The following NAA60 variants were observed in gnomAD, a reference collection of about 807,000 sequenced individuals.
NAA60 encodes N-alpha-acetyltransferase 60.
NAA60 carries 8 observed loss-of-function variants against 26.1 expected under a neutral mutation model. That is an observed-to-expected ratio of 0.31 (90% CI 0.18 to 0.55). NAA60 has a LOEUF of 0.55. NAA60 is among the 20% of genes least tolerant of loss of function. The pLI is 0.93. For missense variants in NAA60, 290 were observed against 311.3 expected (o/e 0.93, Z 0.51); for synonymous variants, 131 against 122.5 (o/e 1.07, Z -0.46).
intron 2 of NAA60, among the ~76,000 whole-genome samples, chr16:3,467,023 GGGTGCGGACAGCCTGTCAGA>G (rs2035806825): frequency 6.6e-6 from 1 of 152,238 alleles, no homozygotes; most frequent in South Asian, 2.1e-4. Flanking sequence ...GGTGCCTGCA[GGGTGCGGACAGCCTGTCAGA>G]GGTGCGGAAA....
intron 2 of NAA60, among the ~76,000 whole-genome samples, chr16:3,457,442 TCAA>T (rs2035051370): frequency 6.6e-6 from 1 of 152,198 alleles, no homozygotes; most frequent in South Asian, 2.1e-4. Context: ...AGACCCTGTC[TCAA>T]CAACAAAAAC....
At chr16:3,459,824 C>T (rs1352015982) in intron 2 of NAA60, among the ~76,000 whole-genome samples, 1 of 152,030 alleles carries the variant, frequency 6.6e-6, no homozygotes, top group African/African-American at 2.4e-5. Context: ...ACTTTGTTGC[C>T]GTGTTTGTTT....
At position 3,443,821 on chromosome 16, in the gene NAA60, A is replaced by G. The variant is rs868367304; in HGVS notation, c.-93A>G. Reference sequence around the variant, plus strand: ...ACTGGGAGACACCGGAACTCGAAAGAAAATCGGTAACAAAATGTGGGTTCG... The same window carrying G: ...ACTGGGAGACACCGGAACTCGAAAGGAAATCGGTAACAAAATGTGGGTTCG... On this transcript the variant is annotated 5_prime_UTR_variant, in exon 1 of 8. Transcript: ENST00000407558. 2.9e-5 allele frequency: 45 copies of G among 1,534,682 alleles called. No individual in the cohort carries two copies. The African/African-American group carries it at 5.9e-4, about 20-fold the overall frequency.
In NAA60 at chr16:3,482,494, TC is replaced by T. The variant is rs2036901343; in HGVS notation, c.241-6del. ...TGAGCCTGACTTTCTCTCTGACTCT[TC>T]CTCTAGGATGGAGATATTCTAGCAT... On this transcript the variant is annotated splice_polypyrimidine_tract_variant and splice_region_variant and intron_variant, in intron 4 of 7. Coordinates refer to ENST00000407558, the MANE Select transcript of NAA60 (RefSeq NM_001083601.3). 5 of 1,590,158 alleles carry T rather than the reference TC, an allele frequency of 3.1e-6. No homozygotes were observed. The highest frequency in any genetic ancestry group is 3.4e-6 in the Non-Finnish European group (4 of 1,166,996).
At chr16:3,445,716 AAC>A (rs2034525158) in intron 1 of NAA60, among the ~76,000 whole-genome samples, 1 of 152,136 alleles carries the variant, frequency 6.6e-6, no homozygotes, top group Non-Finnish European at 1.5e-5. Flanking sequence ...CAAAGAAATA[AAC>A]ACAGTTTCCA....
intron 2 of NAA60, among the ~76,000 whole-genome samples, chr16:3,464,546 G>A (rs117929581): frequency 6.6e-6 from 1 of 152,128 alleles, no homozygotes; most frequent in Non-Finnish European, 1.5e-5. Flanking sequence ...CTTCCTAGGC[G>A]GTACAGAGGG....
intron 4 of NAA60, among the ~76,000 whole-genome samples, chr16:3,480,721 C>T (rs1010535228): frequency 2.6e-5 from 4 of 151,890 alleles, no homozygotes; most frequent in East Asian, 1.9e-4. Flanking sequence ...TGGCCAACAT[C>T]GTGAAACCTT....
At chr16:3,448,286 A>AC (rs1285367265) in intron 1 of NAA60, among the ~76,000 whole-genome samples, 185 bp from the exon 2 acceptor site, 1 of 151,156 alleles carries the variant, frequency 6.6e-6, no homozygotes, top group East Asian at 1.9e-4. Context: ...AAAAAAAAAA[A>AC]AAAAAAACAT....
intron 2 of NAA60, among the ~76,000 whole-genome samples, chr16:3,468,987 G>A (rs2035943232): frequency 6.6e-6 from 1 of 152,032 alleles, no homozygotes; most frequent in Non-Finnish European, 1.5e-5. Flanking sequence ...TTAGGAGGCT[G>A]CGGCGTGAGA....
At chr16:3,472,564 C>G (rs1229775043) in intron 2 of NAA60, among the ~76,000 whole-genome samples, 1 of 152,170 alleles carries the variant, frequency 6.6e-6, no homozygotes, top group Non-Finnish European at 1.5e-5. Flanking sequence ...TCCTAAGTAA[C>G]TGGGATTACA....
chr16:3,444,806 T>C (rs2034483694), intron 1 of NAA60, among the ~76,000 whole-genome samples: 1 of 152,164 alleles, frequency 6.6e-6, no homozygotes. Flanking sequence ...TACAGACATG[T>C]ATTGTGTCAT....
intron 2 of NAA60, among the ~76,000 whole-genome samples, chr16:3,455,093 C>T (rs564127530): frequency 9.9e-5 from 15 of 152,150 alleles, no homozygotes; most frequent in African/African-American, 2.7e-4. Context: ...ACTTTGTTGC[C>T]CAGGCTGGAG....
At position 3,485,006 on chromosome 16, in the gene NAA60, A is replaced by G. The variant is rs1006013130; in HGVS notation, c.*151A>G. ...GCCCCAGCTGCAGGCCCGGTGCTAC[A>G]CGGGCTCGGGAACAGAACATCGTGG... On this transcript the variant is annotated 3_prime_UTR_variant, in exon 7 of 8. Coordinates refer to ENST00000407558, the MANE Select transcript of NAA60 (RefSeq NM_001083601.3). 2 of 1,524,746 alleles carry G rather than the reference A, an allele frequency of 1.3e-6. No homozygotes were observed. The highest frequency in any genetic ancestry group is 2.8e-5 in the African/African-American group (2 of 72,684). The allele number at this position is 1,524,746 out of a possible 1,614,324, so 94.5% of individuals were successfully genotyped here.
intron 2 of NAA60, chr16:3,456,643 GAAAT>G (rs933292519): frequency 2.0e-5 from 3 of 152,178 alleles, no homozygotes; most frequent in South Asian, 2.1e-4. Flanking sequence ...GAGAGGCTGA[GAAAT>G]AAAAGCCTAG....
intron 4 of NAA60, among the ~76,000 whole-genome samples, chr16:3,481,172 T>C (rs1485489519): frequency 6.6e-6 from 1 of 151,816 alleles, no homozygotes; most frequent in Non-Finnish European, 1.5e-5. Context: ...CAGGGTGGAG[T>C]GCAGTGATGC....
chr16:3,445,422 C>T (rs184250279), intron 1 of NAA60, among the ~76,000 whole-genome samples: 3 of 151,806 alleles, frequency 2.0e-5, no homozygotes, highest in African/African-American at 7.2e-5. Context: ...TACAGGTGCC[C>T]GCCACCACGT....
chr16:3,475,162 T>C (rs1053949858), intron 2 of NAA60, among the ~76,000 whole-genome samples: 2 of 150,554 alleles, frequency 1.3e-5, no homozygotes, highest in African/African-American at 4.9e-5. Context: ...CAGTCTTGGC[T>C]CACTGCAGCC....
chr16:3,444,516 T>C (rs1395877371), intron 1 of NAA60, among the ~76,000 whole-genome samples: 1 of 152,256 alleles, frequency 6.6e-6, no homozygotes, highest in Non-Finnish European at 1.5e-5. Context: ...CATATTTCCT[T>C]ATTCCAGTGC....
chr16:3,473,333 T>C (rs2036270238), intron 2 of NAA60, among the ~76,000 whole-genome samples: 1 of 152,072 alleles, frequency 6.6e-6, no homozygotes, highest in Non-Finnish European at 1.5e-5. Context: ...TGGGGAGGCC[T>C]CACAATCATG....
Sources: allele counts gnomAD v4.1 joint callset (sites outside exome capture counted in the v4.1 genomes callset), GRCh38; gene constraint gnomAD v4.1.1; transcripts MANE v1.5; gene names NCBI Gene and HGNC (gene_info 2026-07-23, HGNC 2026-07-21).